The following LYRM4 variants were observed in gnomAD, a reference collection of about 807,000 sequenced individuals.
LYRM4 encodes the protein LYR motif containing 4.
LYRM4 carries 9 observed loss-of-function variants against 11.7 expected under a neutral mutation model. The observed-to-expected ratio is 0.77, with a 90% CI of 0.46 to 1.34. The LOEUF is 1.34. LYRM4 is among the 40% of genes most tolerant of loss of function. LYRM4 has a pLI of 0.00. For synonymous variants in LYRM4, 42 were observed against 40.4 expected (o/e 1.04, Z -0.15); for missense variants, 133 against 112.5 (o/e 1.18, Z -0.82).
the LYRM4 span, among the ~76,000 whole-genome samples, chr6:5,048,328 T>C: frequency 1.4e-5 from 2 of 147,352 alleles, no homozygotes; most frequent in Non-Finnish European, 2.9e-5. Flanking sequence ...TGTGTGTGTG[T>C]GTGTGTTTGG....
chr6:5,231,137 C>T (rs1183775232), intron 1 of LYRM4, among the ~76,000 whole-genome samples: 3 of 151,960 alleles, frequency 2.0e-5, no homozygotes, highest in East Asian at 3.9e-4. Flanking sequence ...ATTAGCTGGG[C>T]GTGGTGGCGG....
At chr6:5,200,178 C>G (rs1761305776) in intron 2 of LYRM4, among the ~76,000 whole-genome samples, 1 of 152,144 alleles carries the variant, frequency 6.6e-6, no homozygotes, top group African/African-American at 2.4e-5. Context: ...CCAGGGTTTA[C>G]ATGATAAGCG....
chr6:5,245,148 A>T (rs1333295765), intron 1 of LYRM4, among the ~76,000 whole-genome samples: 2 of 104,190 alleles, frequency 1.9e-5, no homozygotes, highest in African/African-American at 7.0e-5. Flanking sequence ...ATATATATAT[A>T]TATATATATA....
the LYRM4 span, chr6:5,087,416 G>A: frequency 1.3e-5 from 2 of 152,258 alleles, no homozygotes; most frequent in Non-Finnish European, 2.9e-5. Flanking sequence ...TCTGTAGAAA[G>A]TGTTCCGTCC....
chr6:5,197,018 G>A (rs542834888), intron 2 of LYRM4, among the ~76,000 whole-genome samples: 1 of 152,166 alleles, frequency 6.6e-6, no homozygotes, highest in Admixed American at 6.5e-5. Context: ...GCTTTGACAC[G>A]AGCAGTTAGA....
At chr6:5,199,968 C>T (rs1397823089) in intron 2 of LYRM4, among the ~76,000 whole-genome samples, 1 of 152,158 alleles carries the variant, frequency 6.6e-6, no homozygotes, top group Non-Finnish European at 1.5e-5. Context: ...AGAGCATATT[C>T]ATAACAACAA....
At chr6:5,071,090 G>A in the LYRM4 span, among the ~76,000 whole-genome samples, 1 of 151,480 alleles carries the variant, frequency 6.6e-6, no homozygotes, top group African/African-American at 2.4e-5. Flanking sequence ...TCGGGAAGCT[G>A]AGGCAGGAGA....
At chr6:5,156,112 G>C (rs1015461412) in intron 2 of LYRM4, among the ~76,000 whole-genome samples, 6 of 152,238 alleles carry the variant, frequency 3.9e-5, no homozygotes, top group African/African-American at 1.2e-4. Flanking sequence ...GAGCTAGAAT[G>C]AATAACCCTT....
intron 2 of LYRM4, among the ~76,000 whole-genome samples, chr6:5,148,928 A>G (rs1327475014): frequency 1.3e-5 from 2 of 152,222 alleles, no homozygotes; most frequent in Non-Finnish European, 2.9e-5. Flanking sequence ...TCATTTCTTA[A>G]TCGTCTAGAA....
chr6:5,056,202 A>G, the LYRM4 span, among the ~76,000 whole-genome samples: 2 of 152,142 alleles, frequency 1.3e-5, no homozygotes, highest in African/African-American at 4.8e-5. Context: ...TTGGCTTTTT[A>G]AAAAACAGTT....
At chr6:5,243,959 G>A (rs1221505757) in intron 1 of LYRM4, among the ~76,000 whole-genome samples, 3 of 152,100 alleles carry the variant, frequency 2.0e-5, no homozygotes, top group South Asian at 2.1e-4. Context: ...TTTTCCTTAC[G>A]TTCTTATTTT....
chr6:5,216,732 A>C lies in LYRM4; in HGVS notation c.93T>G (p.Tyr31Ter), dbSNP rs781369324. ...AGGCATCTCTTATCCTCCTGACAGC[A>C]TATGTTCTAAATGAATTCAGAGGAA... is the stretch of plus-strand genomic sequence containing the variant. The part of the protein sequence containing the change: ...KRFSAYNYRT[Y>*]AVRRIRDAFR... Residue 31 changes from tyrosine to a stop codon, truncating the protein, a stop_gained, in exon 2 of 3, where the codon TAT (tyrosine) becomes TAG (stop). Coordinates refer to ENST00000330636, the MANE Select transcript of LYRM4 (RefSeq NM_020408.6). LOFTEE classifies it high-confidence loss of function. 1.9e-6 allele frequency: 3 copies of C among 1,612,674 alleles called. No individual in the cohort carries two copies. The highest frequency in any genetic ancestry group is 1.7e-6 in the Non-Finnish European group (2 of 1,179,908).
chr6:5,259,625 A>AG (rs1764870777), intron 1 of LYRM4, among the ~76,000 whole-genome samples: 1 of 152,248 alleles, frequency 6.6e-6, no homozygotes, highest in South Asian at 2.1e-4. Context: ...CACGTGCTGG[A>AG]GGGGGGCCTA....
At position 5,217,731 on chromosome 6, in the gene LYRM4, T is replaced by C. The variant is rs577710269; in HGVS notation, c.87-993A>G. On this transcript the variant is annotated intron_variant, in intron 1 of 2. Coordinates refer to ENST00000330636, the MANE Select transcript of LYRM4 (RefSeq NM_020408.6). Reference sequence around the variant, plus strand: ...ATCCTTACAGTCACACCATAGTGTGTGTACAGAAGGTAGAGTGGTGTGGAT... The same window carrying C: ...ATCCTTACAGTCACACCATAGTGTGCGTACAGAAGGTAGAGTGGTGTGGAT... Among the ~76,000 whole-genome samples, 3 of 152,322 alleles carry C rather than the reference T, an allele frequency of 2.0e-5. No individual in the cohort carries two copies. In the South Asian group the frequency reaches 6.2e-4, roughly 32 times the overall value.
chr6:5,084,008 G>T, the LYRM4 span, among the ~76,000 whole-genome samples: 2 of 152,286 alleles, frequency 1.3e-5, no homozygotes, highest in African/African-American at 4.8e-5. Flanking sequence ...AGTGGGGGGC[G>T]CCTGTAATCC....
intron 2 of LYRM4, among the ~76,000 whole-genome samples, chr6:5,123,924 G>A (rs1416354429): frequency 6.6e-6 from 1 of 152,260 alleles, no homozygotes; most frequent in East Asian, 1.9e-4. Context: ...TGTGCTGCAA[G>A]AGGTGAAGAT....
chr6:5,068,265 G>T, the LYRM4 span, among the ~76,000 whole-genome samples: 1 of 152,202 alleles, frequency 6.6e-6, no homozygotes, highest in Non-Finnish European at 1.5e-5. The surrounding 1 kb of genome is among the most constrained non-coding windows in gnomAD (Gnocchi z 4.0). Context: ...ACCATCGTCC[G>T]CTGGGGAGCA....
At chr6:5,203,221 AT>A (rs1185985060) in intron 2 of LYRM4, among the ~76,000 whole-genome samples, 1 of 152,198 alleles carries the variant, frequency 6.6e-6, no homozygotes, top group African/African-American at 2.4e-5. Context: ...TATTACAGAA[AT>A]CCAAGGAAAA....
chr6:5,194,983 A>C (rs919710616), intron 2 of LYRM4, among the ~76,000 whole-genome samples: 4 of 152,228 alleles, frequency 2.6e-5, no homozygotes, highest in African/African-American at 7.2e-5. Flanking sequence ...AACTTTTAAA[A>C]CTGTTTACGT....
Sources: gnomAD v4.1 joint callset for allele counts (sites outside exome capture counted in the v4.1 genomes callset) on GRCh38, gnomAD v4.1.1 for gene constraint, Gnocchi (gnomAD v3.1) non-coding constraint, MANE v1.5 for transcripts, NCBI Gene and HGNC (gene_info 2026-07-23, HGNC 2026-07-21) for gene names.